Variants in NOS1 observed in about 807,000 individuals in gnomAD.
The protein encoded by NOS1 is NOS type I.
Under a neutral mutation model 164.5 loss-of-function variants are expected in NOS1, and 51 were observed. The ratio of observed to expected loss-of-function variants is 0.31; its 90% CI spans 0.25 to 0.39. The LOEUF (loss-of-function observed/expected upper bound fraction) is 0.39, where lower values mean the gene tolerates loss of function less well. Ranked by LOEUF, NOS1 falls within the 10% of genes least tolerant of loss-of-function variation. NOS1 has a pLI of 1.00. For synonymous variants in NOS1, 719 were observed against 745.8 expected, an observed-to-expected ratio of 0.96 and a Z score of 0.59; for missense variants, 1,362 against 1,885.6, an observed-to-expected ratio of 0.72 and a Z score of 5.14.
rs1246211718 is a variant in NOS1, at chr12:117,330,725, C to A, written c.345G>T (p.Gly115=). 6.2e-7 allele frequency: 1 copy of A among 1,613,862 alleles called. No individual in the cohort carries two copies. The highest frequency in any genetic ancestry group is 8.5e-7 in the Non-Finnish European group (1 of 1,179,942). Residue 115 remains glycine (G), a synonymous_variant, in exon 2 of 29, where the codon GGG becomes GGT. Transcript: ENST00000317775. The surrounding 1 kb of genome is among the most constrained non-coding windows in gnomAD (Gnocchi z 4.6). The part of the protein sequence containing the change: ...THLETTFTGD[G]TPKTIRVTQP... ...GTGTCACCCGGATGGTCTTGGGGGT[C>A]CCATCACCTGTAAAGGTGGTCTCCA...
At chr12:117,331,685 C>T (rs1393710298) in intron 1 of NOS1, among the ~76,000 whole-genome samples, 196 bp from the exon 2 acceptor site, 2 of 152,186 alleles carry the variant, frequency 1.3e-5, no homozygotes, top group Non-Finnish European at 2.9e-5. Flanking sequence ...AGGTTAGCTG[C>T]AAATTACCTA....
At chr12:117,329,885 C>A (rs1230299358) in intron 2 of NOS1, among the ~76,000 whole-genome samples, 1 of 152,170 alleles carries the variant, frequency 6.6e-6, no homozygotes, top group Non-Finnish European at 1.5e-5. Flanking sequence ...CAGGGCTCAG[C>A]TCTTCCCTCC....
At chr12:117,248,646 G>A (rs374710226) in intron 17 of NOS1, among the ~76,000 whole-genome samples, 1 of 152,064 alleles carries the variant, frequency 6.6e-6, no homozygotes, top group East Asian at 1.9e-4. Context: ...GAATAATGCC[G>A]CAATAAACAT....
At chr12:117,274,478 A>G (rs1177302770) in intron 9 of NOS1, among the ~76,000 whole-genome samples, 1 of 152,098 alleles carries the variant, frequency 6.6e-6, no homozygotes, top group African/African-American at 2.4e-5. Context: ...TCCAAAGGAA[A>G]GGAAATCAGG....
At chr12:117,274,007 C>G (rs894510034) in intron 9 of NOS1, among the ~76,000 whole-genome samples, 5 of 152,104 alleles carry the variant, frequency 3.3e-5, no homozygotes, top group African/African-American at 1.2e-4. Flanking sequence ...AGCAAAGAAA[C>G]AAGCAACAGA....
chr12:117,301,888 T>C (rs1462093906), intron 3 of NOS1: 3 of 423,962 alleles, frequency 7.1e-6, no homozygotes, highest in Non-Finnish European at 1.4e-5. Context: ...ATTCGCAATA[T>C]ATTATTTAGC....
intron 16 of NOS1, among the ~76,000 whole-genome samples, chr12:117,256,715 C>T (rs1293515257): frequency 6.6e-6 from 1 of 152,144 alleles, no homozygotes; most frequent in Non-Finnish European, 1.5e-5. Flanking sequence ...GGCAGCTCAG[C>T]GTGCACACAC....
chr12:117,279,105 G>A (rs973502761), intron 8 of NOS1, among the ~76,000 whole-genome samples: 1 of 151,982 alleles, frequency 6.6e-6, no homozygotes, highest in African/African-American at 2.4e-5. Flanking sequence ...TGGGCCGGGC[G>A]CGGTGGCTCA....
rs1592913235 is a variant in NOS1 at position 117,210,811 on chromosome 12, G to A, written c.*4498C>T. 3 of 985,256 alleles carry A rather than the reference G, an allele frequency of 3.0e-6. No individual in the cohort carries two copies. Among genetic ancestry groups the A allele is most frequent in the Non-Finnish European group, 3.6e-6 (3 of 829,976 alleles). The allele number at this position is 985,256 out of a possible 1,614,324, so 61.0% of individuals were successfully genotyped here. ...GGTCAGTTTTCCCTCCGGGCATCTGGGCATGGCTGGACTTGGGAAGGATTC... is the reference window on the plus strand; with the variant it reads ...GGTCAGTTTTCCCTCCGGGCATCTGAGCATGGCTGGACTTGGGAAGGATTC... On this transcript the variant is annotated 3_prime_UTR_variant, in exon 29 of 29. Coordinates refer to ENST00000317775, the MANE Select transcript of NOS1 (RefSeq NM_000620.5).
chr12:117,301,363 A>C (rs1380087179), intron 3 of NOS1, among the ~76,000 whole-genome samples: 2 of 152,084 alleles, frequency 1.3e-5, no homozygotes, highest in Non-Finnish European at 2.9e-5. Context: ...TCCCGACCTA[A>C]AGTGTTCCAC....
At chr12:117,253,036 A>T (rs1057379503) in intron 17 of NOS1, among the ~76,000 whole-genome samples, 2 of 152,234 alleles carry the variant, frequency 1.3e-5, no homozygotes, top group African/African-American at 4.8e-5. Context: ...TCCTAAAATT[A>T]TCTCATAGTA....
Position 117,234,885 on chromosome 12 carries a change from C to A in NOS1, c.3042-127G>T. ...CATTCTTGTTGGGGCCCGTGCTAAC[C>A]AAGCCTATGCCCCCATCATTCTATT... On this transcript the variant is annotated intron_variant, in intron 20 of 28. Transcript: ENST00000317775. The surrounding 1 kb of genome is among the most constrained non-coding windows in gnomAD (Gnocchi z 4.3). The A allele has an allele frequency of 3.2e-6, 2 of 621,566 alleles. No homozygotes were observed. The highest frequency in any genetic ancestry group is 2.3e-5 in the South Asian group (1 of 43,126). 38.5% of individuals were successfully genotyped at this position (621,566 alleles called of 1,614,324 possible).
At chr12:117,259,305 A>G (rs1871702765) in intron 14 of NOS1, among the ~76,000 whole-genome samples, 175 bp from the exon 15 acceptor site, 2 of 152,172 alleles carry the variant, frequency 1.3e-5, no homozygotes, top group Non-Finnish European at 2.9e-5. Context: ...AGGTGTTAGT[A>G]CTTCAGTGGG....
intron 1 of NOS1, among the ~76,000 whole-genome samples, chr12:117,359,918 AT>A (rs2136102021): frequency 1.4e-5 from 1 of 70,944 alleles, no homozygotes; most frequent in African/African-American, 6.2e-5. Context: ...ATATATATAT[AT>A]ATATATATAT....
chr12:117,321,795 G>A (rs370681532), intron 2 of NOS1, among the ~76,000 whole-genome samples: 2 of 152,220 alleles, frequency 1.3e-5, no homozygotes, highest in Admixed American at 6.5e-5. Context: ...CATTGGTCAT[G>A]CTGAGGTCAG....
intron 1 of NOS1, among the ~76,000 whole-genome samples, chr12:117,351,015 G>A (rs910940409): frequency 1.6e-4 from 24 of 152,200 alleles, no homozygotes; most frequent in African/African-American, 5.5e-4. Context: ...CCAGGAGGCT[G>A]ATGCAGGAGA....
chr12:117,306,900 G>A lies in NOS1; in HGVS notation c.852+4566C>T, dbSNP rs1436705842. Reference sequence around the variant, plus strand: ...CTCCCAAAGTGCTGGGATTACAGGCGTGAGCCACCGCGCCTGGCCCCGCAT... The same window carrying A: ...CTCCCAAAGTGCTGGGATTACAGGCATGAGCCACCGCGCCTGGCCCCGCAT... On this transcript the variant is annotated intron_variant, in intron 3 of 28. Transcript: ENST00000317775. Among the ~76,000 whole-genome samples, 6 of 152,314 alleles carry A rather than the reference G, an allele frequency of 3.9e-5. 1 individual carries two copies. The highest frequency in any genetic ancestry group is 4.1e-4 in the South Asian group (2 of 4,824).
intron 3 of NOS1, among the ~76,000 whole-genome samples, chr12:117,298,529 A>G (rs1274408420): frequency 6.6e-6 from 1 of 152,092 alleles, no homozygotes; most frequent in Non-Finnish European, 1.5e-5. Flanking sequence ...TGATGTCCTA[A>G]ACTGCCTCAG....
At chr12:117,253,127 T>A (rs1220393677) in intron 17 of NOS1, among the ~76,000 whole-genome samples, 1 of 152,178 alleles carries the variant, frequency 6.6e-6, no homozygotes, top group African/African-American at 2.4e-5. Flanking sequence ...TTGGAGAGAC[T>A]TAAAGAAAAA....
Sources: allele counts gnomAD v4.1 joint callset (sites outside exome capture counted in the v4.1 genomes callset), GRCh38; gene constraint gnomAD v4.1.1; non-coding constraint Gnocchi (gnomAD v3.1); transcripts MANE v1.5; gene names NCBI Gene and HGNC (gene_info 2026-07-23, HGNC 2026-07-21).